KCNT2: variants seen among roughly 807,000 people sequenced by gnomAD.
KCNT2 encodes potassium channel subfamily T member 2.
In KCNT2, 67 loss-of-function variants were observed where a neutral mutation model predicts 153.8. The ratio of observed to expected loss-of-function variants is 0.44; its 90% CI spans 0.36 to 0.53. The LOEUF is 0.53. Ranked by LOEUF, KCNT2 falls within the 20% of genes least tolerant of loss-of-function variation. The probability of loss-of-function intolerance (pLI) is 0.00; values close to 1 mark genes in which losing one functional copy is unlikely to be tolerated. For missense variants in KCNT2, 975 were observed against 1,354.8 expected (o/e 0.72, Z 4.40); for synonymous variants, 500 against 458.8 (o/e 1.09, Z -1.15).
chr1:196,413,388 G>A (rs1471283763), intron 12 of KCNT2, among the ~76,000 whole-genome samples: 1 of 151,668 alleles, frequency 6.6e-6, no homozygotes, highest in Non-Finnish European at 1.5e-5. Flanking sequence ...CTTATTAAAT[G>A]TCAAATGTTT....
At chr1:196,287,609 C>T (rs1180836850) in intron 22 of KCNT2, among the ~76,000 whole-genome samples, 2 of 152,064 alleles carry the variant, frequency 1.3e-5, no homozygotes, top group Non-Finnish European at 2.9e-5. Flanking sequence ...CCTATTGATA[C>T]CACCTTAAAC....
intron 8 of KCNT2, among the ~76,000 whole-genome samples, chr1:196,430,666 G>A (rs1262376668): frequency 6.6e-6 from 1 of 152,004 alleles, no homozygotes; most frequent in African/African-American, 2.4e-5. Context: ...GTCCTTAAAT[G>A]AATCAATCAT....
chr1:196,401,998 C>G (rs1048372515), intron 12 of KCNT2, among the ~76,000 whole-genome samples: 1 of 151,320 alleles, frequency 6.6e-6, no homozygotes, highest in Non-Finnish European at 1.5e-5. Flanking sequence ...CCAGAAAACC[C>G]TGGAAAAAAT....
intron 12 of KCNT2, among the ~76,000 whole-genome samples, chr1:196,403,570 T>A (rs1671591529): frequency 1.3e-5 from 2 of 151,612 alleles, no homozygotes; most frequent in African/African-American, 4.8e-5. Context: ...TTAAATAATT[T>A]ATCAATATTG....
At chr1:196,490,162 G>A (rs1049265868) in intron 2 of KCNT2, among the ~76,000 whole-genome samples, 2 of 151,598 alleles carry the variant, frequency 1.3e-5, no homozygotes, top group Non-Finnish European at 3.0e-5. Flanking sequence ...GCAAATGAGA[G>A]TGCATATTTT....
Position 196,468,481 on chromosome 1 carries a change from GT to G in KCNT2, c.459+512del, listed in dbSNP as rs543239559. On this transcript the variant is annotated intron_variant, in intron 6 of 27. Transcript: ENST00000294725. The stretch of plus-strand genomic sequence containing the variant: ...TGAGTAACATATTTATGGGACTGTA[GT>G]TGAATAGGATCATCATGGAACTGAT... 1.6e-3 allele frequency among the ~76,000 whole-genome samples: 245 copies of G among 152,172 alleles called. 2 individuals are homozygous for G. The highest frequency in any genetic ancestry group is 8.7e-3 in the South Asian group (42 of 4,830).
In KCNT2 at chr1:196,243,354, C is replaced by CA. The variant is rs199815803; in HGVS notation, c.3212-7285dup. ...ACACCAAATTGAACAACTATCCACA[C>CA]AAAAAAAAACACCTTCATAAAAACC... On this transcript the variant is annotated intron_variant, in intron 26 of 27. Transcript: ENST00000294725. Among the ~76,000 whole-genome samples, 176 of 150,338 alleles carry CA rather than the reference C, an allele frequency of 1.2e-3. No individual in the cohort carries two copies. In the South Asian group the frequency reaches 0.015, roughly 13 times the overall value.
At chr1:196,256,327 C>A (rs930617216) in intron 26 of KCNT2, among the ~76,000 whole-genome samples, 2 of 151,886 alleles carry the variant, frequency 1.3e-5, no homozygotes, top group African/African-American at 4.8e-5. Flanking sequence ...TGAAATCAAT[C>A]ATGAAAAAAT....
At chr1:196,303,156 A>T (rs1443053523) in intron 22 of KCNT2, among the ~76,000 whole-genome samples, 1 of 152,128 alleles carries the variant, frequency 6.6e-6, no homozygotes, top group African/African-American at 2.4e-5. Flanking sequence ...AGATGGATGC[A>T]AATCTCTGAA....
chr1:196,287,898 T>A (rs1388651011), intron 22 of KCNT2, among the ~76,000 whole-genome samples: 2 of 152,066 alleles, frequency 1.3e-5, no homozygotes, highest in Non-Finnish European at 2.9e-5. Flanking sequence ...CTGTGAATGG[T>A]AACAATAGCA....
chr1:196,495,699 C>T (rs1373836566), intron 1 of KCNT2, among the ~76,000 whole-genome samples: 3 of 152,118 alleles, frequency 2.0e-5, no homozygotes, highest in Non-Finnish European at 4.4e-5. Flanking sequence ...GGCAAATCTG[C>T]TCTCATCACT....
intron 13 of KCNT2, among the ~76,000 whole-genome samples, chr1:196,398,175 T>G (rs1441499297): frequency 6.6e-6 from 1 of 151,472 alleles, no homozygotes; most frequent in African/African-American, 2.4e-5. Context: ...AGCCTATGTG[T>G]GTATTAAACA....
intron 22 of KCNT2, among the ~76,000 whole-genome samples, chr1:196,301,517 A>T (rs1171032132): frequency 6.6e-6 from 1 of 152,174 alleles, no homozygotes; most frequent in Non-Finnish European, 1.5e-5. Context: ...ATTACTTCTG[A>T]TACCAGTGGA....
At chr1:196,557,334 G>A (rs369915265) in intron 1 of KCNT2, among the ~76,000 whole-genome samples, 1 of 151,040 alleles carries the variant, frequency 6.6e-6, no homozygotes, top group African/African-American at 2.4e-5. Flanking sequence ...TGACATAAAG[G>A]GATGGTACAA....
At chr1:196,342,327 G>T in intron 14 of KCNT2, 99 bp from the exon 15 acceptor site, 1 of 973,228 alleles carries the variant, frequency 1.0e-6, no homozygotes, top group South Asian at 1.9e-5. Flanking sequence ...AACTGTGTAA[G>T]AACTGGCAAG....
intron 1 of KCNT2, among the ~76,000 whole-genome samples, chr1:196,518,799 A>C (rs371603863): frequency 6.6e-6 from 1 of 152,152 alleles, no homozygotes; most frequent in African/African-American, 2.4e-5. Context: ...TTAAACTTAC[A>C]AAGAAACCTA....
chr1:196,483,396 A>G (rs965973569), intron 3 of KCNT2, among the ~76,000 whole-genome samples: 2 of 152,144 alleles, frequency 1.3e-5, no homozygotes, highest in African/African-American at 4.8e-5. Context: ...GGAACACTGC[A>G]CCTTCTTTTG....
intron 23 of KCNT2, among the ~76,000 whole-genome samples, chr1:196,282,792 A>AT (rs1436988708): frequency 6.6e-6 from 1 of 152,210 alleles, no homozygotes. Flanking sequence ...TTTATCATTT[A>AT]TTATTGCATA....
chr1:196,303,590 T>C (rs551694991), intron 22 of KCNT2, among the ~76,000 whole-genome samples: 6 of 152,308 alleles, frequency 3.9e-5, no homozygotes, highest in South Asian at 2.1e-4. Flanking sequence ...GTTATGCTTT[T>C]AGTACCATTT....
Sources: gnomAD v4.1 joint callset for allele counts (sites outside exome capture counted in the v4.1 genomes callset) on GRCh38, gnomAD v4.1.1 for gene constraint, MANE v1.5 for transcripts, NCBI Gene and HGNC (gene_info 2026-07-23, HGNC 2026-07-21) for gene names.